ATXN1: variants seen among roughly 807,000 people sequenced by gnomAD.
The protein encoded by ATXN1 is ataxin-1.
Under a neutral mutation model 56.4 loss-of-function variants are expected in ATXN1, and 8 were observed. The ratio of observed to expected loss-of-function variants is 0.14; its 90% CI spans 0.08 to 0.26. The LOEUF is 0.26. Ranked by LOEUF, ATXN1 falls within the 10% of genes least tolerant of loss-of-function variation. ATXN1 has a pLI of 1.00. For missense variants in ATXN1, 987 were observed against 1,106.5 expected (o/e 0.89, Z 1.53); for synonymous variants, 514 against 494.6 (o/e 1.04, Z -0.52).
chr6:16,618,095 GAGATCATGTCCTTTAC>G (rs1450427983), intron 3 of ATXN1, among the ~76,000 whole-genome samples: 50 of 151,852 alleles, frequency 3.3e-4, no homozygotes, highest in Non-Finnish European at 6.6e-4. Context: ...AAAAAAGAAT[GAGATCATGTCCTTTAC>G]AGGGACATGG....
intron 2 of ATXN1, among the ~76,000 whole-genome samples, chr6:16,662,835 T>C (rs1001509077): frequency 3.9e-5 from 6 of 152,196 alleles, no homozygotes; most frequent in African/African-American, 1.4e-4. Context: ...CCAGCACCAT[T>C]TGCCAACGCT....
chr6:16,348,553 T>A (rs184375973), intron 6 of ATXN1, among the ~76,000 whole-genome samples: 1,661 of 152,064 alleles, frequency 0.011, 17 homozygotes, highest in Middle Eastern at 0.024. Flanking sequence ...ACAAAAAAAA[T>A]TAGCCGGGCT....
chr6:16,560,542 G>A (rs544059295), intron 4 of ATXN1, among the ~76,000 whole-genome samples: 23 of 152,188 alleles, frequency 1.5e-4, no homozygotes, highest in Non-Finnish European at 3.1e-4. Context: ...GGAGAGAGAA[G>A]ACTAGAATTG....
intron 3 of ATXN1, among the ~76,000 whole-genome samples, chr6:16,651,146 G>A (rs1046875487): frequency 6.6e-6 from 1 of 152,154 alleles, no homozygotes; most frequent in Non-Finnish European, 1.5e-5. Flanking sequence ...TTAAGCAAGG[G>A]GCTTCTTGGA....
chr6:16,431,802 G>A (rs1284084286), intron 6 of ATXN1, among the ~76,000 whole-genome samples: 1 of 152,060 alleles, frequency 6.6e-6, no homozygotes, highest in Non-Finnish European at 1.5e-5. Context: ...TCATATCCAG[G>A]ACATCATAAA....
rs541819630 is a variant in ATXN1, at chr6:16,364,071, C to T, written c.-160-35601G>A. Among the ~76,000 whole-genome samples, 20 of 152,246 alleles carry T rather than the reference C, an allele frequency of 1.3e-4. No individual in the cohort carries two copies. The South Asian group carries it at 2.9e-3, about 22-fold the overall frequency. On this transcript the variant is annotated intron_variant, in intron 6 of 7. Transcript: ENST00000436367. ...TACCATGTTCAGAACTTGAAAGTGT[C>T]CAGTTCATTAAGTTCAAGAGCTGGA...
intron 3 of ATXN1, among the ~76,000 whole-genome samples, chr6:16,624,354 G>GGA (rs1463347153): frequency 1.8e-4 from 20 of 109,272 alleles, no homozygotes; most frequent in Non-Finnish European, 3.3e-4. Context: ...TTTGTCTCAA[G>GGA]AAAAAAAAAA....
chr6:16,483,774 A>T (rs774151485), intron 6 of ATXN1, among the ~76,000 whole-genome samples: 2 of 152,248 alleles, frequency 1.3e-5, no homozygotes, highest in Non-Finnish European at 1.5e-5. Flanking sequence ...AACGGTTAAA[A>T]CAACAACAAA....
chr6:16,652,354 G>T (rs1763909486), intron 3 of ATXN1, among the ~76,000 whole-genome samples: 1 of 152,150 alleles, frequency 6.6e-6, no homozygotes. Flanking sequence ...TGGAAATCAT[G>T]TACCTCTCAA....
At chr6:16,357,990 G>A (rs1245234267) in intron 6 of ATXN1, among the ~76,000 whole-genome samples, 1 of 152,184 alleles carries the variant, frequency 6.6e-6, no homozygotes, top group African/African-American at 2.4e-5. Flanking sequence ...TAAGGGAACG[G>A]GGTGACAGAA....
chr6:16,552,053 C>G (rs760881), intron 4 of ATXN1, among the ~76,000 whole-genome samples: 17,748 of 152,150 alleles, frequency 0.12, 1,159 homozygotes, highest in African/African-American at 0.17. Flanking sequence ...GGATATGTGT[C>G]GTGGGAGGAC....
chr6:16,541,681 T>A (rs1481800589), intron 4 of ATXN1, among the ~76,000 whole-genome samples: 1 of 152,188 alleles, frequency 6.6e-6, no homozygotes, highest in East Asian at 1.9e-4. Flanking sequence ...AGTGCCGCAC[T>A]TGGACCTGTA....
In ATXN1 at chr6:16,301,128, C is replaced by G. The variant is rs1177645535; in HGVS notation, c.*5201G>C. 1 of 149,658 alleles carries G rather than the reference C, an allele frequency of 6.7e-6. No homozygotes were observed. Among genetic ancestry groups the G allele is most frequent in the Admixed American group, 6.7e-5 (1 of 14,846 alleles). The allele number at this position is 149,658 out of a possible 1,614,324, so 9.3% of individuals were successfully genotyped here. ...CAAAGTATGAAACTCATTGTTTCAA[C>G]AGAGCCATATCTTTCAAACACTGAA... is the stretch of plus-strand genomic sequence containing the variant. On this transcript the variant is annotated 3_prime_UTR_variant, in exon 8 of 8. Coordinates refer to ENST00000436367, the MANE Select transcript of ATXN1 (RefSeq NM_001128164.2).
chr6:16,492,537 CA>C (rs1431795059), intron 5 of ATXN1, among the ~76,000 whole-genome samples: 3 of 142,866 alleles, frequency 2.1e-5, no homozygotes, highest in Non-Finnish European at 4.5e-5. Context: ...AAAACCAATC[CA>C]CATATAATAC....
chr6:16,704,684 G>A (rs1242130005), intron 2 of ATXN1, among the ~76,000 whole-genome samples: 9 of 152,082 alleles, frequency 5.9e-5, no homozygotes, highest in African/African-American at 2.4e-5. Context: ...AATTCCTTAC[G>A]GGGAGCCTTT....
At chr6:16,419,360 C>T (rs879473813) in intron 6 of ATXN1, among the ~76,000 whole-genome samples, 1 of 152,030 alleles carries the variant, frequency 6.6e-6, no homozygotes, top group Admixed American at 6.5e-5. Context: ...AATTAATAGC[C>T]AATCCTATTC....
intron 3 of ATXN1, among the ~76,000 whole-genome samples, chr6:16,594,992 T>A (rs1397918529): frequency 1.3e-5 from 2 of 152,220 alleles, no homozygotes; most frequent in Non-Finnish European, 2.9e-5. Flanking sequence ...TGACCTTCTT[T>A]CCTAGTCATT....
Position 16,760,878 on chromosome 6 carries a change from G to C in ATXN1, c.-730+420C>G, listed in dbSNP as rs1761070462. ...GACATGGCTCTCCGCACTTGCGACC[G>C]GACCAGCAGCCGGGGGAGCGGGGCG... On this transcript the variant is annotated intron_variant, in intron 1 of 7. Coordinates refer to ENST00000436367, the MANE Select transcript of ATXN1 (RefSeq NM_001128164.2). This position sits in a 1 kb window ranked among gnomAD's most constrained non-coding sequence, Gnocchi z 5.3. Among the ~76,000 whole-genome samples, 1 of 147,854 alleles carries C rather than the reference G, an allele frequency of 6.8e-6. No homozygotes were observed. The highest frequency in any genetic ancestry group is 2.5e-5 in the African/African-American group (1 of 40,430).
At chr6:16,334,188 A>T (rs179989) in intron 6 of ATXN1, among the ~76,000 whole-genome samples, 114,931 of 152,142 alleles carry the variant, frequency 0.76, 44,405 homozygotes, top group East Asian at 1. Context: ...TATGTTGCGA[A>T]TAAGATTCAA....
Sources: gnomAD v4.1 joint callset for allele counts (sites outside exome capture counted in the v4.1 genomes callset) on GRCh38, gnomAD v4.1.1 for gene constraint, Gnocchi (gnomAD v3.1) non-coding constraint, MANE v1.5 for transcripts, NCBI Gene and HGNC (gene_info 2026-07-23, HGNC 2026-07-21) for gene names.